Variants in NHSL2 observed in about 807,000 individuals in gnomAD.
The protein encoded by NHSL2 is NHS-like protein 2.
NHSL2 carries 27 observed loss-of-function variants against 53.4 expected under a neutral mutation model. The observed-to-expected ratio is 0.51, with a 90% CI of 0.37 to 0.70. The LOEUF is 0.70. Ranked by LOEUF, NHSL2 falls within the 30% of genes least tolerant of loss-of-function variation. The pLI is 0.00. For synonymous variants in NHSL2, 408 were observed against 404.1 expected (o/e 1.01, Z -0.12); for missense variants, 892 against 980.1 (o/e 0.91, Z 1.20).
intron 1 of NHSL2, among the ~76,000 whole-genome samples, chrX:71,986,746 A>G (rs1209307291): frequency 8.9e-6 from 1 of 111,877 alleles, no homozygotes; most frequent in Non-Finnish European, 1.9e-5. Flanking sequence ...AAACCCTGTT[A>G]TTTGGACACG....
chrX:71,930,804 G>A (rs1226559617), intron 1 of NHSL2, among the ~76,000 whole-genome samples: 3 of 112,476 alleles, frequency 2.7e-5, no homozygotes, highest in Non-Finnish European at 3.8e-5. Flanking sequence ...TGAAGAGTAT[G>A]TTTCTATGGC....
chrX:71,931,729 G>A, intron 1 of NHSL2, among the ~76,000 whole-genome samples: 1 of 112,759 alleles, frequency 8.9e-6, no homozygotes, highest in Non-Finnish European at 1.9e-5. Context: ...ATCTATATGT[G>A]TATCCTTATG....
chrX:71,926,920 G>A (rs898263113), intron 1 of NHSL2, among the ~76,000 whole-genome samples: 2 of 110,842 alleles, frequency 1.8e-5, no homozygotes, highest in Non-Finnish European at 3.8e-5. Context: ...TCTCTTTCCT[G>A]GGTCCTGATT....
chrX:72,032,718 G>T (rs1834858453), intron 1 of NHSL2, among the ~76,000 whole-genome samples: 1 of 110,752 alleles, frequency 9.0e-6, no homozygotes, highest in Admixed American at 9.6e-5. Context: ...AATTATCCTG[G>T]CGTGGTGGTG....
At chrX:72,127,829 G>A (rs1263281659) in intron 1 of NHSL2, 2 of 112,985 alleles carry the variant, frequency 1.8e-5, no homozygotes, top group Admixed American at 9.3e-5. Context: ...GAATTATTCA[G>A]TATGCATGAC....
rs1200973344 is a variant in NHSL2 at position 72,152,941 on chromosome X, C to T, written c.*9367C>T. On this transcript the variant is annotated 3_prime_UTR_variant, in exon 8 of 8. Transcript: ENST00000633930. ...GTTAGCCCTTACCATTTAGTGCTTA[C>T]TGAATGCCAACAATGCACTTAGAAA... 1 of 112,214 alleles carries T rather than the reference C, an allele frequency of 8.9e-6. No individual in the cohort carries two copies. Among genetic ancestry groups the T allele is most frequent in the Non-Finnish European group, 1.9e-5 (1 of 53,259 alleles). 9.2% of individuals were successfully genotyped at this position (112,214 alleles called of 1,213,427 possible).
intron 1 of NHSL2, among the ~76,000 whole-genome samples, chrX:72,084,715 T>A (rs775890712): frequency 8.9e-6 from 1 of 112,196 alleles, no homozygotes; most frequent in Non-Finnish European, 1.9e-5. Context: ...CATCACAGTG[T>A]CCACCACACG....
intron 1 of NHSL2, among the ~76,000 whole-genome samples, chrX:71,919,296 T>C (rs1427314577): frequency 8.9e-6 from 1 of 111,871 alleles, no homozygotes; most frequent in African/African-American, 3.3e-5. Context: ...GAGCCACAGT[T>C]CCTCATCTGT....
chrX:71,999,347 A>G (rs1053546113), intron 1 of NHSL2, among the ~76,000 whole-genome samples: 4 of 112,668 alleles, frequency 3.6e-5, no homozygotes, highest in African/African-American at 1.3e-4. Context: ...TTAATGGGGA[A>G]AAAACCGTGA....
intron 1 of NHSL2, among the ~76,000 whole-genome samples, chrX:72,084,363 G>A (rs1454189528): frequency 8.9e-6 from 1 of 112,327 alleles, no homozygotes; most frequent in Non-Finnish European, 1.9e-5. Flanking sequence ...CAGGTCACAT[G>A]CGGGAAGTTT....
rs147799098 is a variant in NHSL2 at position 72,100,018 on chromosome X, T to C, written c.281-32061T>C. Among the ~76,000 whole-genome samples, 28 of 111,212 alleles carry C rather than the reference T, an allele frequency of 2.5e-4. 1 individual carries two copies. The East Asian group carries it at 7.9e-3, about 31-fold the overall frequency. On this transcript the variant is annotated intron_variant, in intron 1 of 7. Transcript: ENST00000633930. ...GTCTCTGTGGTTGGTAGGAATGGAT[T>C]AGAAGGTCAGACATTGAGGACAAAA...
chrX:72,060,848 G>GCTCT (rs1370377705), intron 1 of NHSL2, among the ~76,000 whole-genome samples: 1 of 112,759 alleles, frequency 8.9e-6, no homozygotes, highest in Non-Finnish European at 1.9e-5. Flanking sequence ...CTAACAAAGT[G>GCTCT]CTCTGTAAAG....
At chrX:72,077,998 G>T (rs2041758366) in intron 1 of NHSL2, among the ~76,000 whole-genome samples, 1 of 112,840 alleles carries the variant, frequency 8.9e-6, no homozygotes, top group African/African-American at 3.2e-5. Flanking sequence ...TACTCACAGA[G>T]TCAACATAGC....
At chrX:72,126,244 A>AG (rs1243500087) in intron 1 of NHSL2, among the ~76,000 whole-genome samples, 6 of 111,481 alleles carry the variant, frequency 5.4e-5, no homozygotes, top group South Asian at 7.6e-4. Flanking sequence ...AGCTGGAGGC[A>AG]GGGGGGGTAG....
chrX:71,990,691 C>T (rs2042023444), intron 1 of NHSL2, among the ~76,000 whole-genome samples: 1 of 111,899 alleles, frequency 8.9e-6, no homozygotes, highest in South Asian at 3.7e-4. Flanking sequence ...CTGGCCTGGC[C>T]CCAATCCATC....
intron 1 of NHSL2, among the ~76,000 whole-genome samples, chrX:71,924,156 A>G (rs2041672983): frequency 4.5e-5 from 5 of 111,949 alleles, no homozygotes; most frequent in Non-Finnish European, 9.4e-5. Flanking sequence ...TTGGGGAGAC[A>G]GTATGGAAGA....
intron 1 of NHSL2, among the ~76,000 whole-genome samples, chrX:72,065,486 A>G (rs1379225686): frequency 8.9e-6 from 1 of 111,741 alleles, no homozygotes; most frequent in African/African-American, 3.3e-5. Context: ...GCTAGTAGGG[A>G]TGTGTGTAAA....
At position 71,955,225 on chromosome X, in the gene NHSL2, C is replaced by T. The variant is rs142062985; in HGVS notation, c.280+43858C>T. 1.4e-3 allele frequency among the ~76,000 whole-genome samples: 153 copies of T among 112,187 alleles called. 3 individuals carry two copies. The East Asian group carries it at 0.033, about 24-fold the overall frequency. ...TATGTGCTTCAGTTTCCTTCTCTCT[C>T]GAATGTGCCTGATGGTGTAGCCCAC... is the stretch of plus-strand genomic sequence containing the variant. On this transcript the variant is annotated intron_variant, in intron 1 of 7. Transcript: ENST00000633930.
At chrX:72,136,174 C>T (rs956369575) in intron 4 of NHSL2, among the ~76,000 whole-genome samples, 2 of 111,317 alleles carry the variant, frequency 1.8e-5, no homozygotes, top group African/African-American at 3.3e-5. Flanking sequence ...GAATCACAGA[C>T]CTCGCCCCAC....
Sources: allele counts gnomAD v4.1 joint callset (sites outside exome capture counted in the v4.1 genomes callset), GRCh38; gene constraint gnomAD v4.1.1; transcripts MANE v1.5; gene names NCBI Gene and HGNC (gene_info 2026-07-23, HGNC 2026-07-21).